Variants in KDM4C observed in about 807,000 individuals in gnomAD.
KDM4C encodes the protein lysine demethylase 4C.
In KDM4C, 81 loss-of-function variants were observed where a neutral mutation model predicts 129.3. The ratio of observed to expected loss-of-function variants is 0.63; its 90% CI spans 0.52 to 0.75. The LOEUF (loss-of-function observed/expected upper bound fraction) is 0.75, where lower values mean the gene tolerates loss of function less well. KDM4C is among the 30% of genes least tolerant of loss of function. The pLI is 0.00. For missense variants in KDM4C, 1,457 were observed against 1,304.0 expected, an observed-to-expected ratio of 1.12 and a Z score of -1.81; for synonymous variants, 573 against 456.1, an observed-to-expected ratio of 1.26 and a Z score of -3.26.
intron 5 of KDM4C, among the ~76,000 whole-genome samples, chr9:6,877,223 T>C (rs1176551709): frequency 6.6e-5 from 10 of 152,168 alleles, no homozygotes; most frequent in Non-Finnish European, 1.5e-4. Context: ...TTTTTTGAGA[T>C]GGAGTCTTGC....
chr9:7,009,013 G>A (rs1442766671), intron 12 of KDM4C, among the ~76,000 whole-genome samples: 1 of 152,092 alleles, frequency 6.6e-6, no homozygotes. Flanking sequence ...ACCACTGAGG[G>A]AACAAAATAA....
chr9:6,972,608 A>C (rs892960266), intron 8 of KDM4C, among the ~76,000 whole-genome samples: 1 of 152,216 alleles, frequency 6.6e-6, no homozygotes, highest in Non-Finnish European at 1.5e-5. Flanking sequence ...TGTGTTGCCA[A>C]ATTGTTGCCA....
chr9:7,102,642 C>T (rs746460685), intron 17 of KDM4C, among the ~76,000 whole-genome samples: 37 of 152,162 alleles, frequency 2.4e-4, no homozygotes, highest in Admixed American at 3.9e-4. Flanking sequence ...AAGTTAAATG[C>T]ACATTGATTC....
At chr9:7,050,592 T>C (rs1830025219) in intron 17 of KDM4C, among the ~76,000 whole-genome samples, 1 of 152,154 alleles carries the variant, frequency 6.6e-6, no homozygotes, top group Admixed American at 6.6e-5. Flanking sequence ...CATTTTAATA[T>C]TTTTTTCTGA....
chr9:7,133,569 A>G (rs1840871532), intron 19 of KDM4C, among the ~76,000 whole-genome samples: 3 of 152,172 alleles, frequency 2.0e-5, no homozygotes, highest in Admixed American at 2.0e-4. Flanking sequence ...CTCAAAATAC[A>G]CGGTGACAGA....
intron 17 of KDM4C, among the ~76,000 whole-genome samples, chr9:7,060,493 A>ATTATTG (rs1366986554): frequency 1.0e-4 from 15 of 145,122 alleles, no homozygotes; most frequent in East Asian, 1.0e-3. Context: ...TATTATTATT[A>ATTATTG]TTATTTTGAG....
intron 4 of KDM4C, among the ~76,000 whole-genome samples, chr9:6,816,369 GAATTCCCTT>G (rs1261551985): frequency 1.3e-5 from 2 of 152,132 alleles, no homozygotes; most frequent in African/African-American, 2.4e-5. Flanking sequence ...CAGCACCGTA[GAATTCCCTT>G]ACCTGCCCTA....
At chr9:6,856,543 T>TGC (rs1447327778) in intron 5 of KDM4C, among the ~76,000 whole-genome samples, 5 of 104,726 alleles carry the variant, frequency 4.8e-5, no homozygotes, top group Non-Finnish European at 8.4e-5. Context: ...TGTGTGCGTG[T>TGC]GTGTGTGTGT....
chr9:7,037,165 A>T (rs550637985), intron 15 of KDM4C, among the ~76,000 whole-genome samples: 2 of 152,316 alleles, frequency 1.3e-5, no homozygotes, highest in East Asian at 3.9e-4. Flanking sequence ...CCCAGCTCAG[A>T]GAGCCCTATT....
chr9:6,828,933 T>A (rs1439809164), intron 4 of KDM4C, among the ~76,000 whole-genome samples: 2 of 152,230 alleles, frequency 1.3e-5, no homozygotes, highest in Admixed American at 6.5e-5. Context: ...CTTTTCACTC[T>A]TCTCTTTACC....
chr9:6,749,868 C>T (rs367582044), intron 1 of KDM4C, among the ~76,000 whole-genome samples: 15 of 150,720 alleles, frequency 1.0e-4, no homozygotes, highest in South Asian at 2.1e-4. Context: ...TGCCTGTAAT[C>T]GCAGCTACTT....
chr9:7,124,260 T>C (rs1157783999), intron 18 of KDM4C, among the ~76,000 whole-genome samples: 2 of 152,346 alleles, frequency 1.3e-5, no homozygotes, highest in South Asian at 2.1e-4. Context: ...TAACAAAATA[T>C]ACACTAAATA....
chr9:6,738,519 G>C (rs796815408), intron 1 of KDM4C, among the ~76,000 whole-genome samples: 1 of 151,976 alleles, frequency 6.6e-6, no homozygotes, highest in African/African-American at 2.4e-5. Flanking sequence ...CTGGAGTCTC[G>C]ACCTCCCAAG....
intron 15 of KDM4C, among the ~76,000 whole-genome samples, chr9:7,024,259 T>C (rs1404876534): frequency 6.6e-6 from 1 of 151,390 alleles, no homozygotes; most frequent in Non-Finnish European, 1.5e-5. Context: ...TGTATTGGAG[T>C]CTATCTCTCT....
intron 1 of KDM4C, among the ~76,000 whole-genome samples, chr9:6,740,260 G>T (rs529035930): frequency 4.0e-4 from 60 of 151,836 alleles, no homozygotes; most frequent in Non-Finnish European, 8.1e-4. Flanking sequence ...CTGGAGTGCA[G>T]TGATGCAATC....
intron 17 of KDM4C, among the ~76,000 whole-genome samples, chr9:7,073,142 G>T (rs894474549): frequency 6.6e-6 from 1 of 152,094 alleles, no homozygotes; most frequent in Non-Finnish European, 1.5e-5. Flanking sequence ...GACTCTCAGG[G>T]GTGGAATCTT....
At chr9:6,994,318 C>T (rs1237302037) in intron 12 of KDM4C, among the ~76,000 whole-genome samples, 2 of 152,126 alleles carry the variant, frequency 1.3e-5, no homozygotes, top group Middle Eastern at 3.2e-3. Flanking sequence ...TTACCCTCCC[C>T]CTGCTGCTTT....
chr9:6,824,511 G>A (rs2131254581), intron 4 of KDM4C, among the ~76,000 whole-genome samples: 1 of 152,062 alleles, frequency 6.6e-6, no homozygotes, highest in Non-Finnish European at 1.5e-5. Context: ...TTCATCTTAA[G>A]GCCCTGTTAC....
chr9:6,931,796 C>T (rs1199153163), intron 8 of KDM4C, among the ~76,000 whole-genome samples: 1 of 152,210 alleles, frequency 6.6e-6, no homozygotes, highest in Non-Finnish European at 1.5e-5. Context: ...CCACCATCCT[C>T]AGCCAGCAAT....
Sources: allele counts gnomAD v4.1 joint callset (sites outside exome capture counted in the v4.1 genomes callset), GRCh38; gene constraint gnomAD v4.1.1; transcripts MANE v1.5; gene names NCBI Gene and HGNC (gene_info 2026-07-23, HGNC 2026-07-21).